SASH1: variants seen among roughly 807,000 people sequenced by gnomAD.
The protein encoded by SASH1 is SAM and SH3 domain-containing protein 1.
In SASH1, 44 loss-of-function variants were observed where a neutral mutation model predicts 125.2. The observed-to-expected ratio is 0.35, with a 90% CI of 0.28 to 0.45. The LOEUF (loss-of-function observed/expected upper bound fraction) is 0.45. SASH1 is among the 20% of genes least tolerant of loss of function. SASH1 has a pLI of 1.00. For missense variants in SASH1, 1,426 were observed against 1,614.5 expected (o/e 0.88, Z 2.00); for synonymous variants, 639 against 649.1 (o/e 0.98, Z 0.24).
At chr6:148,371,228 G>T (rs1414159263) in intron 1 of SASH1, among the ~76,000 whole-genome samples, 6 of 152,008 alleles carry the variant, frequency 3.9e-5, no homozygotes, top group Non-Finnish European at 8.8e-5. Flanking sequence ...TTAACTGACT[G>T]ATCTCTTTTT....
rs1562335685 is a variant in SASH1, at chr6:148,342,958, G to C, written c.-110G>C. On this transcript the variant is annotated 5_prime_UTR_variant, in exon 1 of 20. Coordinates refer to ENST00000367467, the MANE Select transcript of SASH1 (RefSeq NM_015278.5). ...GCCGGGGCATGCAGCGCGGGGGCGC[G>C]GCTCGGTGACGCCGCGGGCGGGGAC... 1.1e-6 allele frequency: 1 copy of C among 948,744 alleles called. No individual in the cohort carries two copies. Among genetic ancestry groups the C allele is most frequent in the Non-Finnish European group, 1.3e-6 (1 of 795,392 alleles). The allele number at this position is 948,744 out of a possible 1,614,324, so 58.8% of individuals were successfully genotyped here. A position where few individuals can be genotyped will look rare whatever the true frequency, so the allele number is the denominator to read the frequency against.
the SASH1 span, among the ~76,000 whole-genome samples, chr6:148,233,938 C>T: frequency 6.6e-6 from 1 of 151,344 alleles, no homozygotes; most frequent in Non-Finnish European, 1.5e-5. Context: ...AAATGTTCCT[C>T]CCTTTATGTG....
At chr6:148,288,954 C>T (rs1779554708) in intron 1 of SASH1, among the ~76,000 whole-genome samples, 2 of 152,188 alleles carry the variant, frequency 1.3e-5, no homozygotes, top group Admixed American at 6.5e-5. Flanking sequence ...GAATCCCACA[C>T]GGTGCACAAT....
the SASH1 span, among the ~76,000 whole-genome samples, chr6:148,211,826 C>T: frequency 6.6e-6 from 1 of 152,172 alleles, no homozygotes; most frequent in African/African-American, 2.4e-5. Flanking sequence ...TGCTCCCTGT[C>T]GTGACTGCCA....
At chr6:148,346,653 C>G (rs1781530678) in intron 1 of SASH1, among the ~76,000 whole-genome samples, 1 of 152,156 alleles carries the variant, frequency 6.6e-6, no homozygotes, top group African/African-American at 2.4e-5. Flanking sequence ...GGAGTCACAT[C>G]AAAGCATTGT....
At chr6:148,212,716 G>A in the SASH1 span, among the ~76,000 whole-genome samples, 1 of 152,186 alleles carries the variant, frequency 6.6e-6, no homozygotes, top group Non-Finnish European at 1.5e-5. Flanking sequence ...TCTGACAGGG[G>A]ACTGTGTGTC....
chr6:148,232,547 G>A, the SASH1 span, among the ~76,000 whole-genome samples: 3 of 152,106 alleles, frequency 2.0e-5, no homozygotes, highest in East Asian at 1.9e-4. Context: ...CGGTGTTGTC[G>A]GGTATGTTAA....
At chr6:148,343,881 T>C (rs1290724409) in intron 1 of SASH1, among the ~76,000 whole-genome samples, 1 of 152,118 alleles carries the variant, frequency 6.6e-6, no homozygotes, top group East Asian at 1.9e-4. Context: ...TTGAATACCT[T>C]GGGGAAGTAA....
chr6:148,220,647 GCTCATGC>G, the SASH1 span, among the ~76,000 whole-genome samples: 1 of 152,212 alleles, frequency 6.6e-6, no homozygotes, highest in Non-Finnish European at 1.5e-5. Flanking sequence ...GGACATGGTG[GCTCATGC>G]CTGTAATCCC....
the SASH1 span, among the ~76,000 whole-genome samples, chr6:148,234,742 G>A: frequency 2.4e-4 from 36 of 151,882 alleles, no homozygotes; most frequent in South Asian, 1.9e-3. Context: ...CAGGAGAATC[G>A]CTTGAACCCG....
the SASH1 span, among the ~76,000 whole-genome samples, chr6:148,262,598 T>C: frequency 6.6e-6 from 1 of 152,110 alleles, no homozygotes; most frequent in Non-Finnish European, 1.5e-5. Context: ...AAAAGTTCAA[T>C]GAAGGCCGGG....
chr6:148,296,827 A>G (rs1779778879), intron 1 of SASH1, among the ~76,000 whole-genome samples: 1 of 152,188 alleles, frequency 6.6e-6, no homozygotes, highest in African/African-American at 2.4e-5. Context: ...GAGGATACCC[A>G]AGTCTGATGT....
chr6:148,421,219 G>GAA (rs1785088485), intron 2 of SASH1, among the ~76,000 whole-genome samples: 2 of 147,770 alleles, frequency 1.4e-5, no homozygotes, highest in Non-Finnish European at 3.0e-5. Flanking sequence ...GAAAGAAAAA[G>GAA]AAAGAAAGAA....
chr6:148,537,774 T>TTGTGTGTGTGTGTG (rs1173037021), intron 16 of SASH1, among the ~76,000 whole-genome samples: 1 of 110,740 alleles, frequency 9.0e-6, no homozygotes, highest in South Asian at 3.3e-4. Flanking sequence ...TCTTAGCATA[T>TTGTGTGTGTGTGTG]TCTGTGTGTG....
At chr6:148,492,827 TATAAATAAATAAATAA>T (rs4052629) in intron 8 of SASH1, among the ~76,000 whole-genome samples, 9,508 of 145,512 alleles carry the variant, frequency 0.065, 424 homozygotes, top group African/African-American at 0.12. Flanking sequence ...TCTCATAAAA[TATAAATAAATAAATAA>T]ATAAATAAAT....
chr6:148,463,943 A>G (rs1423242586), intron 4 of SASH1, among the ~76,000 whole-genome samples: 2 of 152,136 alleles, frequency 1.3e-5, no homozygotes, highest in African/African-American at 2.4e-5. Context: ...GTTTATTGCT[A>G]TGTTCTCAGG....
the SASH1 span, among the ~76,000 whole-genome samples, chr6:148,230,698 C>A: frequency 1.3e-5 from 2 of 152,130 alleles, no homozygotes; most frequent in Non-Finnish European, 2.9e-5. Flanking sequence ...TTTATTATAG[C>A]CACTCTAGTG....
upstream of SASH1, among the ~76,000 whole-genome samples, chr6:148,267,536 G>A (rs1434359654): frequency 2.6e-5 from 4 of 151,966 alleles, no homozygotes; most frequent in Admixed American, 1.3e-4. Flanking sequence ...CCGCCACCAC[G>A]CCCGGCTAAT....
At chr6:148,363,334 G>A (rs939293430) in intron 1 of SASH1, among the ~76,000 whole-genome samples, 3 of 151,254 alleles carry the variant, frequency 2.0e-5, no homozygotes, top group Admixed American at 6.7e-5. Flanking sequence ...TAGAGACAGG[G>A]TTTCACCATG....
Sources: gnomAD v4.1 joint callset for allele counts (sites outside exome capture counted in the v4.1 genomes callset) on GRCh38, gnomAD v4.1.1 for gene constraint, MANE v1.5 for transcripts, NCBI Gene and HGNC (gene_info 2026-07-23, HGNC 2026-07-21) for gene names.